The following MAGI2 variants were observed in gnomAD, a reference collection of about 807,000 sequenced individuals.
The protein encoded by MAGI2 is membrane associated guanylate kinase, WW and PDZ domain containing 2.
A neutral mutation model predicts 133.3 loss-of-function variants in MAGI2; 35 were observed. That is an observed-to-expected ratio of 0.26 (90% CI 0.20 to 0.35). The LOEUF (loss-of-function observed/expected upper bound fraction) is 0.35. Ranked by LOEUF, MAGI2 falls within the 10% of genes least tolerant of loss-of-function variation. The probability of loss-of-function intolerance (pLI) is 1.00; values close to 1 mark genes in which losing one functional copy is unlikely to be tolerated. For synonymous variants in MAGI2, 729 were observed against 710.6 expected (o/e 1.03, Z -0.41); for missense variants, 1,636 against 1,863.4 (o/e 0.88, Z 2.25).
At chr7:79,106,598 CA>C (rs1818472950) in intron 1 of MAGI2, among the ~76,000 whole-genome samples, 1 of 152,228 alleles carries the variant, frequency 6.6e-6, no homozygotes, top group East Asian at 1.9e-4. Context: ...AAGAGTCTTA[CA>C]AACAGTAGCA....
chr7:78,611,170 C>T (rs754520843), intron 3 of MAGI2, among the ~76,000 whole-genome samples: 29 of 152,122 alleles, frequency 1.9e-4, no homozygotes, highest in Non-Finnish European at 2.2e-4. Context: ...GTGTGTATCC[C>T]CTTTAGAACA....
intron 2 of MAGI2, among the ~76,000 whole-genome samples, chr7:78,964,428 T>G (rs1308252508): frequency 6.6e-6 from 1 of 152,054 alleles, no homozygotes; most frequent in Non-Finnish European, 1.5e-5. Flanking sequence ...AACCACTAAC[T>G]CGTGGTTTAA....
intron 1 of MAGI2, chr7:79,125,870 G>T: frequency 2.2e-6 from 1 of 451,492 alleles, no homozygotes; most frequent in African/African-American, 2.0e-5. Context: ...GAGAGTGACA[G>T]GGAAGTTACA....
At chr7:78,559,136 C>CAAAAAAAAAAAAAA (rs71085541) in intron 3 of MAGI2, among the ~76,000 whole-genome samples, 3 of 54,726 alleles carry the variant, frequency 5.5e-5, no homozygotes, top group African/African-American at 8.1e-5. Flanking sequence ...TCTGAATTTC[C>CAAAAAAAAAAAAAA]AAAAAAAAAA....
chr7:78,928,651 T>C (rs1431057810), intron 2 of MAGI2, among the ~76,000 whole-genome samples: 1 of 152,088 alleles, frequency 6.6e-6, no homozygotes, highest in Non-Finnish European at 1.5e-5. Flanking sequence ...AAATACTTGC[T>C]GAATGATTAA....
intron 1 of MAGI2, among the ~76,000 whole-genome samples, chr7:79,083,947 T>C (rs1341660979): frequency 6.6e-6 from 1 of 151,754 alleles, no homozygotes; most frequent in Non-Finnish European, 1.5e-5. Flanking sequence ...ATATAATTCA[T>C]TAACACACTA....
At chr7:78,776,093 T>C (rs73135595) in intron 2 of MAGI2, among the ~76,000 whole-genome samples, 4,699 of 152,346 alleles carry the variant, frequency 0.031, 111 homozygotes, top group Non-Finnish European at 0.042. Context: ...AGATTCACCA[T>C]GAGGATCAAA....
intron 1 of MAGI2, among the ~76,000 whole-genome samples, chr7:79,319,566 G>A (rs1368519035): frequency 6.6e-6 from 1 of 152,026 alleles, no homozygotes. Context: ...CATAATAGGT[G>A]GAACTCTAGT....
At chr7:78,958,740 A>G (rs1481147625) in intron 2 of MAGI2, among the ~76,000 whole-genome samples, 1 of 152,116 alleles carries the variant, frequency 6.6e-6, no homozygotes, top group Non-Finnish European at 1.5e-5. Context: ...TGGAGGCCCT[A>G]GTGTACCAGA....
chr7:78,558,836 CGT>C (rs1491470480), intron 3 of MAGI2, among the ~76,000 whole-genome samples: 14 of 98,618 alleles, frequency 1.4e-4, no homozygotes, highest in African/African-American at 4.0e-4. Context: ...TTTGAGACAC[CGT>C]TTTTTTTTTT....
At chr7:79,134,435 G>T (rs1821197272) in intron 1 of MAGI2, among the ~76,000 whole-genome samples, 1 of 152,086 alleles carries the variant, frequency 6.6e-6, no homozygotes, top group African/African-American at 2.4e-5. Context: ...AAGATGGTGT[G>T]GTTGTTGCTT....
At chr7:79,071,435 C>T (rs577692122) in intron 1 of MAGI2, among the ~76,000 whole-genome samples, 1 of 152,188 alleles carries the variant, frequency 6.6e-6, no homozygotes, top group East Asian at 1.9e-4. Context: ...GTCAGGGACC[C>T]ACTTGAGGAA....
Position 79,418,861 on chromosome 7 carries a change from A to G in MAGI2, c.301+34159T>C, listed in dbSNP as rs987934719. Among the ~76,000 whole-genome samples the G allele has an allele frequency of 2.9e-4, 38 of 129,622 alleles. No homozygotes were observed. The East Asian group carries it at 7.5e-3, about 26-fold the overall frequency. 85.0% of individuals were successfully genotyped at this position (129,622 alleles called of 152,430 possible). A position where few individuals can be genotyped will look rare whatever the true frequency, so the allele number is the denominator to read the frequency against. ...CACACACACACACACACACACACAC[A>G]CACACACGCACACACACACACACAC... On this transcript the variant is annotated intron_variant, in intron 1 of 21. Transcript: ENST00000354212.
At chr7:78,577,315 AAAC>A (rs1012540816) in intron 3 of MAGI2, among the ~76,000 whole-genome samples, 7 of 152,338 alleles carry the variant, frequency 4.6e-5, no homozygotes, top group African/African-American at 1.7e-4. Flanking sequence ...TCAAAAATGA[AAAC>A]AACAACATAT....
chr7:78,830,144 T>G (rs565479755), intron 2 of MAGI2, among the ~76,000 whole-genome samples: 33 of 152,228 alleles, frequency 2.2e-4, no homozygotes, highest in Admixed American at 8.5e-4. Context: ...CCAAGCAATT[T>G]TATAGCAGTT....
chr7:78,766,174 T>A (rs2151309559), intron 2 of MAGI2, among the ~76,000 whole-genome samples: 1 of 152,296 alleles, frequency 6.6e-6, no homozygotes, highest in African/African-American at 2.4e-5. Flanking sequence ...TGGCCGGGGT[T>A]GTGCTTTTGT....
At chr7:78,571,868 G>C (rs986004124) in intron 3 of MAGI2, among the ~76,000 whole-genome samples, 1 of 152,028 alleles carries the variant, frequency 6.6e-6, no homozygotes, top group Admixed American at 6.6e-5. Flanking sequence ...TCTAAGAATA[G>C]AATATTTTTC....
chr7:78,501,842 T>A, intron 4 of MAGI2, 55 bp from the exon 5 acceptor site: 1 of 1,323,026 alleles, frequency 7.6e-7, no homozygotes, highest in Non-Finnish European at 1.1e-6. Context: ...AACTCTGGAC[T>A]GAGTATGGAG....
At chr7:78,457,948 A>T (rs1789494365) in intron 6 of MAGI2, among the ~76,000 whole-genome samples, 1 of 152,180 alleles carries the variant, frequency 6.6e-6, no homozygotes, top group African/African-American at 2.4e-5. Flanking sequence ...CAAACTTAAG[A>T]AATTATTTTC....
Sources: gnomAD v4.1 joint callset for allele counts (sites outside exome capture counted in the v4.1 genomes callset) on GRCh38, gnomAD v4.1.1 for gene constraint, MANE v1.5 for transcripts, NCBI Gene and HGNC (gene_info 2026-07-23, HGNC 2026-07-21) for gene names.